ULK4: variants seen among roughly 807,000 people sequenced by gnomAD.
ULK4 encodes unc-51 like kinase 4, also known as inactive serine/threonine-protein kinase ULK4.
In ULK4, 133 loss-of-function variants were observed where a neutral mutation model predicts 160.6. That is an observed-to-expected ratio of 0.83 (90% CI 0.72 to 0.96). The LOEUF is 0.96. ULK4 is among the 40% of genes least tolerant of loss of function. ULK4 has a pLI of 0.00. For synonymous variants in ULK4, 534 were observed against 539.8 expected (o/e 0.99, Z 0.15); for missense variants, 1,580 against 1,499.5 (o/e 1.05, Z -0.89).
At chr3:41,713,126 G>T (rs1466829725) in intron 25 of ULK4, among the ~76,000 whole-genome samples, 1 of 151,562 alleles carries the variant, frequency 6.6e-6, no homozygotes, top group African/African-American at 2.4e-5. Context: ...GGAAGCCTTT[G>T]CCTAAAAAAA....
chr3:41,517,477 G>T (rs1170762414), intron 32 of ULK4, among the ~76,000 whole-genome samples: 1 of 152,162 alleles, frequency 6.6e-6, no homozygotes, highest in Non-Finnish European at 1.5e-5. Flanking sequence ...CATCTTGGAA[G>T]CAGAGAGCAG....
chr3:41,946,375 G>A (rs1006909884), intron 2 of ULK4, among the ~76,000 whole-genome samples: 1 of 151,866 alleles, frequency 6.6e-6, no homozygotes, highest in Non-Finnish European at 1.5e-5. Flanking sequence ...ACAGTGCTGG[G>A]GGCAGTGTTG....
At chr3:41,907,181 C>T (rs1173472527) in intron 12 of ULK4, among the ~76,000 whole-genome samples, 2 of 151,986 alleles carry the variant, frequency 1.3e-5, no homozygotes, top group Middle Eastern at 3.2e-3. Context: ...CATGGGGTGG[C>T]GGGGGCAGTG....
chr3:41,373,886 CT>C (rs1395767732), intron 35 of ULK4, among the ~76,000 whole-genome samples: 1 of 151,810 alleles, frequency 6.6e-6, no homozygotes, highest in African/African-American at 2.4e-5. Flanking sequence ...AGATGGACCG[CT>C]AGCCAGACTA....
intron 32 of ULK4, among the ~76,000 whole-genome samples, chr3:41,464,838 C>T (rs911746554): frequency 1.3e-5 from 2 of 152,226 alleles, no homozygotes; most frequent in African/African-American, 4.8e-5. Context: ...CCCAGAGCAC[C>T]CATCTACATA....
chr3:41,470,018 G>GAAAAAAAAA lies in ULK4; in HGVS notation c.3227-6774_3227-6766dup, dbSNP rs71094650. ...GAGGAATTCAAGAAGAAACAGAACA[G>GAAAAAAAAA]AAAAAAAAAAAAAAAAAAAAAAAAA... On this transcript the variant is annotated intron_variant, in intron 32 of 36. Coordinates refer to ENST00000301831, the MANE Select transcript of ULK4 (RefSeq NM_017886.4). Among the ~76,000 whole-genome samples, 110 of 45,966 alleles carry GAAAAAAAAA rather than the reference G, an allele frequency of 2.4e-3. 2 individuals carry two copies. The highest frequency in any genetic ancestry group is 3.6e-3 in the East Asian group (4 of 1,102). 30.2% of individuals were successfully genotyped at this position (45,966 alleles called of 152,430 possible).
rs146212958 is a variant in ULK4 at position 41,876,989 on chromosome 3, C to T, written c.1656+6885G>A. On this transcript the variant is annotated intron_variant, in intron 17 of 36. Transcript: ENST00000301831. ...CTTGGCAATAATTCATTAAGCAATA[C>T]ATTTATGTTTTGTATGTATTTCCAA... 8.3e-3 allele frequency among the ~76,000 whole-genome samples: 1,264 copies of T among 152,192 alleles called. 48 individuals carry two copies. Among genetic ancestry groups the T allele is most frequent in the Admixed American group, 0.063 (969 of 15,296 alleles).
intron 5 of ULK4, among the ~76,000 whole-genome samples, chr3:41,923,259 G>C (rs1177049673): frequency 6.6e-6 from 1 of 152,074 alleles, no homozygotes; most frequent in Non-Finnish European, 1.5e-5. Context: ...AACACTTTGG[G>C]AGGCTGAGGT....
intron 30 of ULK4, among the ~76,000 whole-genome samples, chr3:41,622,586 C>A (rs139727637): frequency 1.3e-5 from 2 of 152,142 alleles, no homozygotes; most frequent in African/African-American, 4.8e-5. Context: ...ACATCATACA[C>A]CAGGGCCTGT....
intron 32 of ULK4, among the ~76,000 whole-genome samples, chr3:41,564,067 A>T (rs2087699256): frequency 6.6e-6 from 1 of 150,474 alleles, no homozygotes; most frequent in Non-Finnish European, 1.5e-5. Flanking sequence ...CTTCTTGTTG[A>T]TGTTGATGCT....
intron 32 of ULK4, among the ~76,000 whole-genome samples, chr3:41,525,590 T>C (rs1017328172): frequency 5.9e-5 from 9 of 152,224 alleles, no homozygotes; most frequent in Non-Finnish European, 1.2e-4. Flanking sequence ...GATCCCATCA[T>C]CGCTCCCTTA....
intron 4 of ULK4, 91 bp downstream of exon 4, chr3:41,935,710 C>A (rs1023538413): frequency 1.4e-6 from 2 of 1,438,960 alleles, no homozygotes; most frequent in South Asian, 1.4e-5. Context: ...TATTCTATAC[C>A]AAAATTTTAT....
chr3:41,588,430 G>A lies in ULK4; in HGVS notation c.3121-22300C>T, dbSNP rs538663371. ...AGAAAAATTATGACAAAATCATGGT[G>A]TTTGAAGCTAAAAGAAACTATGGGA... On this transcript the variant is annotated intron_variant, in intron 31 of 36. Transcript: ENST00000301831. Among the ~76,000 whole-genome samples the A allele has an allele frequency of 3.3e-5, 5 of 152,266 alleles. No individual in the cohort carries two copies. The South Asian group carries it at 1.0e-3, about 32-fold the overall frequency.
chr3:41,935,672 T>TA (rs1294992086), intron 4 of ULK4, 129 bp downstream of exon 4: 33 of 1,188,854 alleles, frequency 2.8e-5, no homozygotes, highest in Middle Eastern at 3.0e-4. Context: ...CCTTTTATTT[T>TA]AAAAAAAGAT....
intron 35 of ULK4, among the ~76,000 whole-genome samples, chr3:41,369,658 G>A (rs1367859675): frequency 6.6e-6 from 1 of 151,890 alleles, no homozygotes; most frequent in Admixed American, 6.6e-5. Flanking sequence ...AGCCAGGATG[G>A]TGGTGGCCGC....
At chr3:41,915,621 G>T in intron 8 of ULK4, 1 of 179,998 alleles carries the variant, frequency 5.6e-6, no homozygotes, top group Non-Finnish European at 1.1e-5. Context: ...ATCATCCCTC[G>T]GTCAATAGTC....
At chr3:41,606,017 C>A (rs985767785) in intron 31 of ULK4, among the ~76,000 whole-genome samples, 29 of 151,916 alleles carry the variant, frequency 1.9e-4, no homozygotes, top group African/African-American at 6.8e-4. Context: ...GATAAAATCA[C>A]AAGGAAAATT....
chr3:41,868,090 A>T (rs184982526), intron 17 of ULK4, among the ~76,000 whole-genome samples: 2 of 152,336 alleles, frequency 1.3e-5, no homozygotes, highest in East Asian at 3.9e-4. Context: ...GGTATTGTAT[A>T]ATCGTGGGAA....
chr3:41,362,445 T>C (rs573352114), intron 35 of ULK4, among the ~76,000 whole-genome samples: 9 of 152,320 alleles, frequency 5.9e-5, no homozygotes, highest in South Asian at 4.1e-4. Context: ...CTAGAGGATT[T>C]TGCCAACTCT....
Sources: gnomAD v4.1 joint callset for allele counts (sites outside exome capture counted in the v4.1 genomes callset) on GRCh38, gnomAD v4.1.1 for gene constraint, MANE v1.5 for transcripts, NCBI Gene and HGNC (gene_info 2026-07-23, HGNC 2026-07-21) for gene names.